Variants in PTPRU observed in about 807,000 individuals in gnomAD.
PTPRU encodes protein tyrosine phosphatase receptor type U.
PTPRU carries 69 observed loss-of-function variants against 166.3 expected under a neutral mutation model. The observed-to-expected ratio is 0.41, with a 90% CI of 0.34 to 0.51. PTPRU has a LOEUF of 0.51. Ranked by LOEUF, PTPRU falls within the 20% of genes least tolerant of loss-of-function variation. The pLI, the probability that PTPRU is intolerant of heterozygous loss-of-function variation, is 0.09. For synonymous variants in PTPRU, 793 were observed against 814.0 expected (o/e 0.97, Z 0.44); for missense variants, 1,657 against 2,013.7 (o/e 0.82, Z 3.39).
At chr1:29,246,273 C>T (rs924557579) in intron 1 of PTPRU, among the ~76,000 whole-genome samples, 1 of 152,272 alleles carries the variant, frequency 6.6e-6, no homozygotes, top group African/African-American at 2.4e-5. Context: ...CACGCTCCTA[C>T]CACCATGGTA....
rs137961547 is a variant in PTPRU, at chr1:29,309,369, CAG to C, written c.2821-1372_2821-1371del. ...GACTGAGAAGCACCTTCTCAGCGCT[CAG>C]AGTTACACAGCTACTGCTCGGCATA... is the stretch of plus-strand genomic sequence containing the variant. On this transcript the variant is annotated intron_variant, in intron 18 of 29. Transcript: ENST00000373779. 7.9e-3 allele frequency among the ~76,000 whole-genome samples: 1,201 copies of C among 152,266 alleles called. 7 individuals carry two copies. Among genetic ancestry groups the C allele is most frequent in the Middle Eastern group, 0.014 (4 of 294 alleles).
chr1:29,318,925 C>T (rs1013982639), intron 25 of PTPRU, among the ~76,000 whole-genome samples: 1 of 152,322 alleles, frequency 6.6e-6, no homozygotes, highest in Non-Finnish European at 1.5e-5. Flanking sequence ...TCTCCCACAG[C>T]GGTTAAGAGG....
In PTPRU at chr1:29,284,792, T is replaced by C. The variant is rs1686266356; in HGVS notation, c.2241T>C (p.Leu747=). 1 of 1,613,962 alleles carries C rather than the reference T, an allele frequency of 6.2e-7. No individual in the cohort carries two copies. Among genetic ancestry groups the C allele is most frequent in the Non-Finnish European group, 8.5e-7 (1 of 1,179,932 alleles). ...CCCAGAGATCGGAGGAGATGGGGCT[T>C]ATCCTGGGCATCTGTGCAGGGGGGC... The part of the protein sequence containing the change: ...EVSQRSEEMG[L]ILGICAGGLA... Residue 747 remains leucine, a synonymous_variant, in exon 14 of 30, where the codon CTT becomes CTC. Transcript: ENST00000373779.
chr1:29,279,564 C>T lies in PTPRU; in HGVS notation c.1672C>T (p.His558Tyr), dbSNP rs768845768. The change falls in exon 10 of 30, where the codon CAC (histidine) becomes TAC (tyrosine). Residue 558 changes from histidine (H) to tyrosine (Y), a missense_variant. His to Tyr is a moderately conservative substitution (Grantham distance 83). Coordinates refer to ENST00000373779, the MANE Select transcript of PTPRU (RefSeq NM_133178.4). This position sits in a 1 kb window ranked among gnomAD's most constrained non-coding sequence, Gnocchi z 5.2. ...NETYHVFSNL[H>Y]PGTTYLFSVR... ...GACCTACCATGTCTTCTCCAACCTG[C>T]ACCCAGGCACCACCTACCTGTTCTC... The T allele has an allele frequency of 2.5e-6, 4 of 1,614,212 alleles. No individual in the cohort carries two copies. Among genetic ancestry groups the T allele is most frequent in the Middle Eastern group, 1.6e-4 (1 of 6,062 alleles).
chr1:29,309,574 A>G (rs1687555500), intron 18 of PTPRU, among the ~76,000 whole-genome samples: 2 of 152,384 alleles, frequency 1.3e-5, no homozygotes, highest in South Asian at 4.1e-4. Flanking sequence ...CTATTACTGA[A>G]TAAGTACTGA....
At chr1:29,303,613 A>G (rs779907221) in intron 15 of PTPRU, among the ~76,000 whole-genome samples, 1 of 152,202 alleles carries the variant, frequency 6.6e-6, no homozygotes, top group Non-Finnish European at 1.5e-5. Flanking sequence ...CAGGGCCGCA[A>G]GGGCCCTCGG....
chr1:29,282,928 G>A lies in PTPRU; in HGVS notation c.2121G>A (p.Gln707=), dbSNP rs199827632. 1.9e-5 allele frequency: 30 copies of A among 1,613,804 alleles called. No individual in the cohort carries two copies. The East Asian group carries it at 6.0e-4, about 32-fold the overall frequency. The change falls in exon 12 of 30, where the codon CAG becomes CAA. Residue 707 remains glutamine, a synonymous_variant. Transcript: ENST00000373779. The part of the protein sequence containing the change: ...EPRKAYLIYF[Q]AASHLKGETR... ...GGAAGGCCTATCTCATCTACTTCCAGGCAGCAAGCCACCTGAAGGGGGTGA... is the reference window on the plus strand; with the variant it reads ...GGAAGGCCTATCTCATCTACTTCCAAGCAGCAAGCCACCTGAAGGGGGTGA...
At chr1:29,255,248 T>G in intron 1 of PTPRU, 27 bp from the exon 2 acceptor site, 1 of 1,607,378 alleles carries the variant, frequency 6.2e-7, no homozygotes, top group Non-Finnish European at 8.5e-7. Context: ...TGCCTTAGCC[T>G]GGGCTAACCA....
chr1:29,307,668 G>A (rs377324582), intron 18 of PTPRU, among the ~76,000 whole-genome samples: 2 of 151,346 alleles, frequency 1.3e-5, no homozygotes, highest in African/African-American at 2.4e-5. Context: ...ACTCAACCCC[G>A]ACCATTTTAC....
rs1464102140 is a variant in PTPRU, at chr1:29,260,889, G to A, written c.1130G>A (p.Arg377His). The A allele has an allele frequency of 6.3e-7, 1 of 1,574,886 alleles. No individual in the cohort carries two copies. Among genetic ancestry groups the A allele is most frequent in the Non-Finnish European group, 8.6e-7 (1 of 1,163,748 alleles). The change falls in exon 7 of 30, where the codon CGC becomes CAC. Residue 377 changes from arginine (R) to histidine (H), a missense_variant. Physicochemically the swap from Arg to His is conservative, Grantham distance 29. Transcript: ENST00000373779. The surrounding 1 kb of genome is among the most constrained non-coding windows in gnomAD (Gnocchi z 8.3). Reference sequence around the variant, plus strand: ...CGCCCTGGGCCACCCCTCATCAGCCGCACCAAATGCGCAGGTGGGTGCAGC... The same window carrying A: ...CGCCCTGGGCCACCCCTCATCAGCCACACCAAATGCGCAGGTGGGTGCAGC... ...TGRPGPPLIS[R>H]TKCAEPMRAP... is the part of the protein sequence containing the mutation.
At chr1:29,302,572 C>T (rs1324944742) in intron 15 of PTPRU, among the ~76,000 whole-genome samples, 2 of 151,740 alleles carry the variant, frequency 1.3e-5, no homozygotes, top group Non-Finnish European at 2.9e-5. Flanking sequence ...TTTTTTGAGA[C>T]AGAGTCTCGC....
chr1:29,256,763 A>G (rs1223213998), intron 2 of PTPRU, among the ~76,000 whole-genome samples: 1 of 152,184 alleles, frequency 6.6e-6, no homozygotes, highest in African/African-American at 2.4e-5. Context: ...GCCCAGCCTC[A>G]GTCTGATACA....
At chr1:29,285,355 A>G (rs1686292844) in intron 14 of PTPRU, among the ~76,000 whole-genome samples, 2 of 152,084 alleles carry the variant, frequency 1.3e-5, no homozygotes, top group Admixed American at 6.5e-5. Flanking sequence ...TCTCAGGCTC[A>G]ACTTGCCCTG....
intron 15 of PTPRU, among the ~76,000 whole-genome samples, chr1:29,292,787 G>C (rs1371685519): frequency 1.3e-5 from 2 of 150,414 alleles, no homozygotes; most frequent in East Asian, 3.9e-4. Context: ...CTCTTTCTTA[G>C]ATGTAAATAT....
intron 1 of PTPRU, among the ~76,000 whole-genome samples, chr1:29,241,268 A>T (rs1229606180): frequency 1.3e-5 from 2 of 152,032 alleles, no homozygotes; most frequent in Non-Finnish European, 2.9e-5. Context: ...GGTGTGGACA[A>T]CCCAGTACCA....
At chr1:29,316,982 T>C (rs1409206061) in intron 24 of PTPRU, among the ~76,000 whole-genome samples, 1 of 152,060 alleles carries the variant, frequency 6.6e-6, no homozygotes, top group Non-Finnish European at 1.5e-5. Context: ...AGAAGTCCCC[T>C]CCACTCCAGG....
At chr1:29,296,337 G>A (rs1182186920) in intron 15 of PTPRU, among the ~76,000 whole-genome samples, 1 of 151,966 alleles carries the variant, frequency 6.6e-6, no homozygotes, top group Non-Finnish European at 1.5e-5. Flanking sequence ...GTTTTAAGTG[G>A]GCATTAAACT....
chr1:29,323,809 A>G, intron 28 of PTPRU, 21 bp downstream of exon 28: 1 of 1,605,564 alleles, frequency 6.2e-7, no homozygotes, highest in Non-Finnish European at 8.5e-7. Flanking sequence ...GCCCTGTGGG[A>G]GGGCGGGTGG....
intron 14 of PTPRU, among the ~76,000 whole-genome samples, chr1:29,287,492 G>A (rs35166567): frequency 0.013 from 2,014 of 152,244 alleles, 16 homozygotes; most frequent in Middle Eastern, 0.1. Context: ...ACTCTGAGGT[G>A]TAGGGAGGAG....
Sources: allele counts gnomAD v4.1 joint callset (sites outside exome capture counted in the v4.1 genomes callset), GRCh38; gene constraint gnomAD v4.1.1; non-coding constraint Gnocchi (gnomAD v3.1); transcripts MANE v1.5; gene names NCBI Gene and HGNC (gene_info 2026-07-23, HGNC 2026-07-21).